ASIC2: variants seen among roughly 807,000 people sequenced by gnomAD.
The protein encoded by ASIC2 is acid-sensing ion channel 2.
Under a neutral mutation model 57.3 loss-of-function variants are expected in ASIC2, and 25 were observed. The observed-to-expected ratio is 0.44, with a 90% CI of 0.32 to 0.61. ASIC2 has a LOEUF of 0.61. ASIC2 is among the 20% of genes least tolerant of loss of function. The probability of loss-of-function intolerance (pLI) is 0.06; values close to 1 mark genes in which losing one functional copy is unlikely to be tolerated. For synonymous variants in ASIC2, 319 were observed against 307.5 expected, an observed-to-expected ratio of 1.04 and a Z score of -0.39; for missense variants, 641 against 738.1, an observed-to-expected ratio of 0.87 and a Z score of 1.52.
chr17:33,588,602 G>A (rs552180163), intron 1 of ASIC2, among the ~76,000 whole-genome samples: 11 of 152,302 alleles, frequency 7.2e-5, no homozygotes, highest in South Asian at 6.2e-4. Context: ...GCTTACTGTC[G>A]AATGGGGAAG....
intron 1 of ASIC2, among the ~76,000 whole-genome samples, chr17:34,009,876 C>T (rs1421519036): frequency 1.3e-5 from 2 of 152,172 alleles, no homozygotes; most frequent in Non-Finnish European, 2.9e-5. Context: ...AGGGCAGTAA[C>T]GGGAGGGGTG....
intron 1 of ASIC2, among the ~76,000 whole-genome samples, chr17:33,865,663 G>A (rs916012823): frequency 6.6e-5 from 10 of 151,016 alleles, no homozygotes; most frequent in Non-Finnish European, 1.5e-4. Context: ...ACACATTAGT[G>A]GGTGCAGTGC....
At chr17:33,648,390 A>C (rs1486452758) in intron 1 of ASIC2, among the ~76,000 whole-genome samples, 1 of 152,248 alleles carries the variant, frequency 6.6e-6, no homozygotes, top group East Asian at 1.9e-4. Flanking sequence ...GGTTATTAAA[A>C]GATGAGCACT....
rs181668549 is a variant in ASIC2 at position 33,388,163 on chromosome 17, G to C, written c.556-276096C>G. 8.5e-5 allele frequency among the ~76,000 whole-genome samples: 13 copies of C among 152,272 alleles called. No individual in the cohort carries two copies. In the East Asian group the frequency reaches 2.1e-3, roughly 25 times the overall value. Reference sequence around the variant, plus strand: ...AAAAACAAGGCAATGTGATCACTGAGGCAGATTGAAGTGATGTGGCCACTG... The same window carrying C: ...AAAAACAAGGCAATGTGATCACTGACGCAGATTGAAGTGATGTGGCCACTG... On this transcript the variant is annotated intron_variant, in intron 1 of 9. Transcript: ENST00000359872.
At chr17:33,587,727 C>T (rs907499107) in intron 1 of ASIC2, among the ~76,000 whole-genome samples, 84 of 152,190 alleles carry the variant, frequency 5.5e-4, no homozygotes, top group African/African-American at 2.0e-3. Context: ...TACTCAGTTT[C>T]CTCAAACTCA....
chr17:33,462,442 T>C (rs1912671039), intron 1 of ASIC2, among the ~76,000 whole-genome samples: 1 of 152,180 alleles, frequency 6.6e-6, no homozygotes. Context: ...GATCTGACTC[T>C]GACTATGTGG....
Position 33,878,842 on chromosome 17 carries a change from A to G in ASIC2, c.555+277136T>C, listed in dbSNP as rs553829522. ...AAGTTGAAATGAAGGAAAAAATGTT[A>G]AGGGCAGCCAGAGAGAAAGGTCGGG... On this transcript the variant is annotated intron_variant, in intron 1 of 9. Transcript: ENST00000359872. Among the ~76,000 whole-genome samples the G allele has an allele frequency of 2.2e-3, 340 of 152,304 alleles. 2 individuals are homozygous for G. The highest frequency in any genetic ancestry group is 7.9e-3 in the African/African-American group (330 of 41,572).
chr17:33,958,768 G>T (rs1567769080), intron 1 of ASIC2, among the ~76,000 whole-genome samples: 1 of 152,090 alleles, frequency 6.6e-6, no homozygotes, highest in Non-Finnish European at 1.5e-5. Flanking sequence ...TTAACATTTG[G>T]CTCCTCATTA....
intron 1 of ASIC2, among the ~76,000 whole-genome samples, chr17:34,107,851 C>T (rs1015427941): frequency 1.3e-5 from 2 of 152,122 alleles, no homozygotes; most frequent in African/African-American, 4.8e-5. Flanking sequence ...GGGGGTTATA[C>T]TGACATTTTA....
intron 1 of ASIC2, among the ~76,000 whole-genome samples, chr17:33,561,772 G>GT (rs1214425589): frequency 2.0e-5 from 3 of 152,226 alleles, no homozygotes; most frequent in Non-Finnish European, 4.4e-5. Flanking sequence ...AGAAAGCCCA[G>GT]CGGGAATTGC....
At chr17:33,788,508 A>T (rs1911671587) in intron 1 of ASIC2, among the ~76,000 whole-genome samples, 1 of 152,176 alleles carries the variant, frequency 6.6e-6, no homozygotes, top group Non-Finnish European at 1.5e-5. Flanking sequence ...TTCCTCAAGG[A>T]TCTAGAACCA....
chr17:33,667,559 G>T (rs78496377), intron 1 of ASIC2, among the ~76,000 whole-genome samples: 1 of 152,130 alleles, frequency 6.6e-6, no homozygotes, highest in African/African-American at 2.4e-5. Context: ...GTGGGCTTCC[G>T]AACCAGACAG....
chr17:34,013,740 G>A (rs1361747680), intron 1 of ASIC2, among the ~76,000 whole-genome samples: 1 of 150,024 alleles, frequency 6.7e-6, no homozygotes, highest in Admixed American at 6.6e-5. Context: ...ATATGAAGAG[G>A]CTTCTGACTG....
At chr17:33,077,105 T>C (rs533472223) in intron 3 of ASIC2, among the ~76,000 whole-genome samples, 62 of 152,124 alleles carry the variant, frequency 4.1e-4, no homozygotes, top group African/African-American at 1.5e-3. Context: ...GTGGCTTCTT[T>C]GCTGAGATGC....
chr17:33,518,930 C>T (rs944558802), intron 1 of ASIC2, among the ~76,000 whole-genome samples: 1 of 151,968 alleles, frequency 6.6e-6, no homozygotes, highest in South Asian at 2.1e-4. Flanking sequence ...ACGCCATTCT[C>T]CTGCCTCAGC....
intron 1 of ASIC2, among the ~76,000 whole-genome samples, chr17:33,394,139 T>C (rs1909994306): frequency 6.6e-6 from 1 of 152,246 alleles, no homozygotes; most frequent in Non-Finnish European, 1.5e-5. Flanking sequence ...GCCTAGTCTC[T>C]ATGGAGTTTG....
intron 1 of ASIC2, among the ~76,000 whole-genome samples, chr17:33,811,457 G>A (rs563914887): frequency 4.6e-5 from 7 of 152,308 alleles, no homozygotes; most frequent in African/African-American, 1.7e-4. Flanking sequence ...TTTTTTTGCA[G>A]GCATTGTTTC....
intron 1 of ASIC2, among the ~76,000 whole-genome samples, chr17:34,074,874 C>T (rs2142072148): frequency 6.8e-6 from 1 of 147,840 alleles, no homozygotes; most frequent in East Asian, 2.1e-4. Flanking sequence ...CAAACACCAT[C>T]TCCAGGGTTC....
intron 1 of ASIC2, among the ~76,000 whole-genome samples, chr17:33,790,202 T>G (rs1341441780): frequency 6.6e-6 from 1 of 152,242 alleles, no homozygotes; most frequent in East Asian, 1.9e-4. Context: ...TTCTTGAATT[T>G]GTAAGACCTG....
Sources: gnomAD v4.1 joint callset for allele counts (sites outside exome capture counted in the v4.1 genomes callset) on GRCh38, gnomAD v4.1.1 for gene constraint, MANE v1.5 for transcripts, NCBI Gene and HGNC (gene_info 2026-07-23, HGNC 2026-07-21) for gene names.